TCF20: variants seen among roughly 807,000 people sequenced by gnomAD.
TCF20 encodes the protein SPRE-binding protein.
In TCF20, 3 loss-of-function variants were observed where a neutral mutation model predicts 148.6. That is an observed-to-expected ratio of 0.02 (90% CI 0.01 to 0.05). The LOEUF (loss-of-function observed/expected upper bound fraction) is 0.05. Among genes scored for constraint, TCF20 ranks in the 10% least tolerant of loss-of-function variants. TCF20 has a pLI of 1.00. For synonymous variants in TCF20, 1,049 were observed against 909.5 expected, an observed-to-expected ratio of 1.15 and a Z score of -2.76; for missense variants, 2,350 against 2,429.3, an observed-to-expected ratio of 0.97 and a Z score of 0.69.
At chr22:42,199,364 T>C (rs552731666) in intron 2 of TCF20, among the ~76,000 whole-genome samples, 7 of 152,172 alleles carry the variant, frequency 4.6e-5, no homozygotes, top group South Asian at 2.1e-4. Context: ...CATTTCACCA[T>C]AGAGTCATGT....
chr22:42,179,037 TAA>T (rs60142024), intron 3 of TCF20, among the ~76,000 whole-genome samples: 1,796 of 120,806 alleles, frequency 0.015, 31 homozygotes, highest in African/African-American at 0.049. Flanking sequence ...TGGCTACAAT[TAA>T]AAAAAAAAAA....
intron 1 of TCF20, among the ~76,000 whole-genome samples, chr22:42,240,929 C>A (rs992926584): frequency 1.1e-4 from 16 of 152,038 alleles, no homozygotes; most frequent in African/African-American, 3.6e-4. Flanking sequence ...CATCTCAGTT[C>A]ACTGCGACCT....
Position 42,210,666 on chromosome 22 carries a change from A to G in TCF20, c.4640T>C (p.Val1547Ala). The change falls in exon 2 of 6, where the codon GTG becomes GCG. Residue 1547 changes from valine (V) to alanine (A), a missense_variant. Coordinates refer to ENST00000677622, the MANE Select transcript of TCF20 (RefSeq NM_001378418.1). The surrounding 1 kb of genome is among the most constrained non-coding windows in gnomAD (Gnocchi z 4.7). ...GKKKGRPIGSVNKQKKQQQPP... is the reference protein window; with the variant it reads ...GKKKGRPIGSANKQKKQQQPP... Reference sequence around the variant, plus strand: ...CTGCTGCTGTTTCTTTTGCTTATTCACACTACCAATGGGTCTCCCCTTCTT... The same window carrying G: ...CTGCTGCTGTTTCTTTTGCTTATTCGCACTACCAATGGGTCTCCCCTTCTT... The G allele has an allele frequency of 6.2e-7, 1 of 1,614,040 alleles. No individual in the cohort carries two copies. The highest frequency in any genetic ancestry group is 8.5e-7 in the Non-Finnish European group (1 of 1,180,008).
intron 2 of TCF20, among the ~76,000 whole-genome samples, chr22:42,207,247 C>A (rs1280448174): frequency 6.6e-6 from 1 of 152,068 alleles, no homozygotes; most frequent in Non-Finnish European, 1.5e-5. Flanking sequence ...AGCCCATATC[C>A]CCACCCACAC....
Position 42,179,717 on chromosome 22 carries a change from A to G in TCF20, c.5656-15T>C, listed in dbSNP as rs1217230071. 6.3e-7 allele frequency: 1 copy of G among 1,591,708 alleles called. No homozygotes were observed. The highest frequency in any genetic ancestry group is 8.6e-7 in the Non-Finnish European group (1 of 1,159,834). ...TGGGAACATTTCTGAAAGGAAGGGAAAAGTCAGGCATGTCAGTATCCCAGA... is the reference window on the plus strand; with the variant it reads ...TGGGAACATTTCTGAAAGGAAGGGAGAAGTCAGGCATGTCAGTATCCCAGA... On this transcript the variant is annotated splice_polypyrimidine_tract_variant and intron_variant, in intron 2 of 5. Transcript: ENST00000677622.
chr22:42,276,896 T>A (rs1019370333), intron 1 of TCF20: 1 of 152,222 alleles, frequency 6.6e-6, no homozygotes, highest in African/African-American at 2.4e-5. Flanking sequence ...TGGAGCCACT[T>A]TTCCCTGCCC....
intron 1 of TCF20, among the ~76,000 whole-genome samples, chr22:42,261,942 G>C (rs918124426): frequency 4.6e-5 from 7 of 152,208 alleles, no homozygotes; most frequent in Non-Finnish European, 1.0e-4. Context: ...AGTGAGCAAA[G>C]ATTGAGTCAC....
chr22:42,265,387 T>C (rs557663030), intron 1 of TCF20, among the ~76,000 whole-genome samples: 22 of 152,300 alleles, frequency 1.4e-4, no homozygotes, highest in African/African-American at 5.1e-4. Flanking sequence ...TGGCTCACTG[T>C]AGCCTCAACC....
At chr22:42,203,020 C>T (rs940923678) in intron 2 of TCF20, among the ~76,000 whole-genome samples, 1 of 152,182 alleles carries the variant, frequency 6.6e-6, no homozygotes, top group Non-Finnish European at 1.5e-5. Context: ...TTGCTGTTAG[C>T]TCTTTTAACA....
rs758126650 is a variant in TCF20 at position 42,211,673 on chromosome 22, C to T, written c.3633G>A (p.Arg1211=). 15 of 1,614,190 alleles carry T rather than the reference C, an allele frequency of 9.3e-6. No homozygotes were observed. The highest frequency in any genetic ancestry group is 1.2e-5 in the Non-Finnish European group (14 of 1,180,042). Residue 1211 remains arginine, a synonymous_variant, in exon 2 of 6, where the codon AGG becomes AGA. Transcript: ENST00000677622. The part of the protein sequence containing the change: ...SGPPGMSSQK[R]YGPPHETDGH... Reference sequence around the variant, plus strand: ...CATCAGTCTCATGGGGCGGCCCATACCTTTTTTGACTGGACATTCCTGGAG... The same window carrying T: ...CATCAGTCTCATGGGGCGGCCCATATCTTTTTTGACTGGACATTCCTGGAG...
intron 1 of TCF20, among the ~76,000 whole-genome samples, chr22:42,309,056 C>A (rs756510112): frequency 2.0e-5 from 3 of 152,002 alleles, no homozygotes; most frequent in Non-Finnish European, 4.4e-5. Flanking sequence ...GACACCCTGG[C>A]GGGGGAGGCT....
intron 1 of TCF20, among the ~76,000 whole-genome samples, chr22:42,229,772 G>A (rs532163698): frequency 5.3e-5 from 8 of 152,238 alleles, no homozygotes; most frequent in Admixed American, 5.2e-4. Flanking sequence ...AAGGCTTCAG[G>A]AAAACGGCTC....
chr22:42,282,813 T>C (rs1186185744), intron 1 of TCF20, among the ~76,000 whole-genome samples: 1 of 151,982 alleles, frequency 6.6e-6, no homozygotes, highest in Non-Finnish European at 1.5e-5. Flanking sequence ...TCCTCCTGCC[T>C]CGCCGGCCTG....
At chr22:42,267,723 T>TA (rs1926364368) in intron 1 of TCF20, among the ~76,000 whole-genome samples, 1 of 151,268 alleles carries the variant, frequency 6.6e-6, no homozygotes, top group Non-Finnish European at 1.5e-5. Context: ...AAAAAGTGTT[T>TA]ACTTGTGTGA....
intron 1 of TCF20, among the ~76,000 whole-genome samples, chr22:42,329,334 G>C (rs1927929585): frequency 6.6e-6 from 1 of 152,240 alleles, no homozygotes; most frequent in African/African-American, 2.4e-5. Context: ...TGGCGAGACT[G>C]GCGCCCAGCC....
chr22:42,286,758 CTT>C (rs988714028), upstream of TCF20, among the ~76,000 whole-genome samples: 1 of 152,150 alleles, frequency 6.6e-6, no homozygotes, highest in Non-Finnish European at 1.5e-5. Flanking sequence ...GGGTAACACT[CTT>C]TATGTCACTG....
chr22:42,213,252 T>A lies in TCF20; in HGVS notation c.2054A>T (p.His685Leu), dbSNP rs1325785092. 1.9e-6 allele frequency: 3 copies of A among 1,614,044 alleles called. No individual in the cohort carries two copies. The highest frequency in any genetic ancestry group is 2.2e-5 in the South Asian group (2 of 91,076). The stretch of plus-strand genomic sequence containing the variant: ...CGTAAAACCAGGGCCCGCTGCAGAG[T>A]GGCCACTCTGGCCATTTCCTTCTCC... Reference protein sequence around the residue: ...HNGEGNGQSGHSAAGPGFTSR... With the variant: ...HNGEGNGQSGLSAAGPGFTSR... The change falls in exon 2 of 6, where the codon CAC (histidine) becomes CTC (leucine). Residue 685 changes from histidine to leucine, a missense_variant. His to Leu is a moderately conservative substitution (Grantham distance 99). Coordinates refer to ENST00000677622, the MANE Select transcript of TCF20 (RefSeq NM_001378418.1).
intron 1 of TCF20, among the ~76,000 whole-genome samples, chr22:42,249,878 C>A (rs572077544): frequency 6.6e-6 from 1 of 152,012 alleles, no homozygotes; most frequent in African/African-American, 2.4e-5. Flanking sequence ...CTAATTAATT[C>A]TATGCATTTT....
intron 3 of TCF20, among the ~76,000 whole-genome samples, chr22:42,174,495 T>A (rs1936319036): frequency 6.6e-6 from 1 of 152,130 alleles, no homozygotes; most frequent in Non-Finnish European, 1.5e-5. Context: ...ACAGCCTCAG[T>A]GGGGGACCAC....
Sources: allele counts gnomAD v4.1 joint callset (sites outside exome capture counted in the v4.1 genomes callset), GRCh38; gene constraint gnomAD v4.1.1; non-coding constraint Gnocchi (gnomAD v3.1); transcripts MANE v1.5; gene names NCBI Gene and HGNC (gene_info 2026-07-23, HGNC 2026-07-21).